TATDN3: variants seen among roughly 807,000 people sequenced by gnomAD.
The protein encoded by TATDN3 is TatD DNase domain containing 3, also known as deoxyribonuclease TATDN3.
TATDN3 carries 29 observed loss-of-function variants against 40.1 expected under a neutral mutation model. That is an observed-to-expected ratio of 0.72 (90% CI 0.54 to 0.99). The LOEUF (loss-of-function observed/expected upper bound fraction) is 0.99. Ranked by LOEUF, TATDN3 falls within the 50% of genes least tolerant of loss-of-function variation. TATDN3 has a pLI of 0.00. For missense variants in TATDN3, 309 were observed against 321.9 expected (o/e 0.96, Z 0.31); for synonymous variants, 105 against 117.0 (o/e 0.90, Z 0.66).
chr1:212,801,598 A>G (rs914091857), intron 4 of TATDN3, among the ~76,000 whole-genome samples: 12 of 152,116 alleles, frequency 7.9e-5, no homozygotes, highest in African/African-American at 2.9e-4. Flanking sequence ...AGTGTTAGAC[A>G]TTTCCTGGGT....
intron 2 of TATDN3, among the ~76,000 whole-genome samples, chr1:212,796,234 T>C (rs1661746457): frequency 6.6e-6 from 1 of 152,322 alleles, no homozygotes; most frequent in South Asian, 2.1e-4. Flanking sequence ...TATATAGACC[T>C]GATGACCTTG....
intron 7 of TATDN3, among the ~76,000 whole-genome samples, chr1:212,807,167 A>C (rs1662590604): frequency 6.6e-6 from 1 of 151,372 alleles, no homozygotes; most frequent in Non-Finnish European, 1.5e-5. Flanking sequence ...GCTTGTCTTG[A>C]ACTCCTGACC....
chr1:212,806,202 T>C (rs1662454804), intron 7 of TATDN3, among the ~76,000 whole-genome samples: 1 of 152,190 alleles, frequency 6.6e-6, no homozygotes, highest in South Asian at 2.1e-4. Context: ...ATTGAGTTTG[T>C]GTCACTTAGT....
In TATDN3 at chr1:212,804,623, A is replaced by G. The variant is rs759789864; in HGVS notation, c.459A>G (p.Arg153=). 1.6e-5 allele frequency: 26 copies of G among 1,613,706 alleles called. No homozygotes were observed. Among genetic ancestry groups the G allele is most frequent in the Non-Finnish European group, 2.1e-5 (25 of 1,179,922 alleles). Residue 153 remains arginine, a synonymous_variant, in exon 7 of 10, where the codon AGA becomes AGG. Transcript: ENST00000366974. ...ATGTGCACTCACGCTCTGCTGGAAG[A>G]CCTACCATCAACCTTTTACAAGAGC... ...PVNVHSRSAG[R]PTINLLQEQG...
chr1:212,804,216 T>C, intron 5 of TATDN3, 104 bp from the exon 6 acceptor site: 1 of 708,680 alleles, frequency 1.4e-6, no homozygotes, highest in East Asian at 2.8e-5. Flanking sequence ...TGGCTTGCTT[T>C]TGTGCCTCAC....
At chr1:212,802,536 G>C (rs1264306259) in intron 4 of TATDN3, among the ~76,000 whole-genome samples, 165 bp from the exon 5 acceptor site, 2 of 152,220 alleles carry the variant, frequency 1.3e-5, no homozygotes, top group Non-Finnish European at 2.9e-5. Flanking sequence ...TACAGGTAGA[G>C]GTACTCACCA....
chr1:212,797,159 G>A lies in TATDN3; in HGVS notation c.221G>A (p.Gly74Glu). The change falls in exon 4 of 10, where the codon GGA becomes GAA. Residue 74 changes from glycine to glutamate, a missense_variant. Physicochemically the swap from Gly to Glu is moderately conservative, Grantham distance 98 (BLOSUM62 -2). Coordinates refer to ENST00000366974, the MANE Select transcript of TATDN3 (RefSeq NM_001042552.3). ...TGCTTGGGTGTTCATCCAGTTCAAG[G>A]ACTTCCACCAGAAGACCAAAGAAGT... Reference protein sequence around the residue: ...LPCLGVHPVQGLPPEDQRSVT... With the variant: ...LPCLGVHPVQELPPEDQRSVT... The A allele has an allele frequency of 1.2e-6, 2 of 1,614,068 alleles. No individual in the cohort carries two copies. Among genetic ancestry groups the A allele is most frequent in the Non-Finnish European group, 1.7e-6 (2 of 1,179,994 alleles).
rs893957635 is a variant in TATDN3, at chr1:212,816,036, T to C, written c.*880T>C. On this transcript the variant is annotated 3_prime_UTR_variant, in exon 10 of 10. Transcript: ENST00000366974. ...TGAGGCCAGTGGTTTAAACAATCAT[T>C]ATTGAATACCAAGCCCAAAAGTTTA... The C allele has an allele frequency of 1.3e-5, 2 of 152,198 alleles. No homozygotes were observed. The highest frequency in any genetic ancestry group is 2.9e-5 in the Non-Finnish European group (2 of 68,032). The allele number at this position is 152,198 out of a possible 1,614,324, so 9.4% of individuals were successfully genotyped here. A position where few individuals can be genotyped will look rare whatever the true frequency, so the allele number is the denominator to read the frequency against.
Position 212,797,096 on chromosome 1 carries a change from G to C in TATDN3, c.174-16G>C, listed in dbSNP as rs747387418. The C allele has an allele frequency of 6.2e-7, 1 of 1,602,930 alleles. No homozygotes were observed. Among genetic ancestry groups the C allele is most frequent in the Non-Finnish European group, 8.5e-7 (1 of 1,169,934 alleles). ...GTCTACTGTTCCTGCTTTCTCAGTT[G>C]GTTCTACATTTTTAGGTATAATGGG... On this transcript the variant is annotated splice_polypyrimidine_tract_variant and intron_variant, in intron 3 of 9. Coordinates refer to ENST00000366974, the MANE Select transcript of TATDN3 (RefSeq NM_001042552.3).
chr1:212,801,886 C>G (rs1662198824), intron 4 of TATDN3, among the ~76,000 whole-genome samples: 1 of 152,292 alleles, frequency 6.6e-6, no homozygotes, highest in Non-Finnish European at 1.5e-5. Flanking sequence ...TTTGTTCTCT[C>G]TCTCTCATAG....
chr1:212,807,849 G>A lies in TATDN3; in HGVS notation c.600+1G>A, dbSNP rs139958360. The A allele has an allele frequency of 2.8e-5, 44 of 1,593,262 alleles. No individual in the cohort carries two copies. In the African/African-American group the frequency reaches 6.0e-4, roughly 22 times the overall value. ...CCCTTCTATCATAAGAAGTGGACAG[G>A]TAAATTTTTTCATTGAAACTCATCT... On this transcript the variant is annotated splice_donor_variant, in intron 8 of 9. Coordinates refer to ENST00000366974, the MANE Select transcript of TATDN3 (RefSeq NM_001042552.3). LOFTEE classifies it high-confidence loss of function.
chr1:212,814,882 C>T lies in TATDN3; in HGVS notation c.682-131C>T, dbSNP rs1004421691. On this transcript the variant is annotated intron_variant, in intron 9 of 9. Transcript: ENST00000366974. ...ACCTCCCTCCCAGCCCTCATCCCCA[C>T]CTAAAAAGAAAAAAATTAAAAAGGA... 3.9e-6 allele frequency: 4 copies of T among 1,031,290 alleles called. No individual in the cohort carries two copies. In the Admixed American group the frequency reaches 7.6e-5, roughly 20 times the overall value. 63.9% of individuals were successfully genotyped at this position (1,031,290 alleles called of 1,614,324 possible). A position where few individuals can be genotyped will look rare whatever the true frequency, so the allele number is the denominator to read the frequency against.
intron 7 of TATDN3, among the ~76,000 whole-genome samples, chr1:212,806,744 C>A (rs1231135197): frequency 1.4e-5 from 1 of 72,072 alleles, no homozygotes; most frequent in African/African-American, 6.2e-5. Context: ...CTCTCTCTCT[C>A]TCCATATATA....
At position 212,802,900 on chromosome 1, in the gene TATDN3, C is replaced by T. The variant is rs372764628; in HGVS notation, c.321+137C>T. ...CACCCCACTTAGCCAAATAATAATT[C>T]GTTGATACTTCTTTAATAAGCAAGA... On this transcript the variant is annotated intron_variant, in intron 5 of 9. Coordinates refer to ENST00000366974, the MANE Select transcript of TATDN3 (RefSeq NM_001042552.3). 11 of 576,144 alleles carry T rather than the reference C, an allele frequency of 1.9e-5. No homozygotes were observed. In the Admixed American group the frequency reaches 2.1e-4, roughly 11 times the overall value. 35.7% of individuals were successfully genotyped at this position (576,144 alleles called of 1,614,324 possible).
rs1661780384 is a variant in TATDN3, at chr1:212,796,606, A to G, written c.173+16A>G. The stretch of plus-strand genomic sequence containing the variant: ...TTTCAGAAAGGTGCTACTTTTAATT[A>G]AGATTTTAAAGGGTTGCTAATAAGA... On this transcript the variant is annotated intron_variant, in intron 3 of 9. Transcript: ENST00000366974. 5 of 1,530,342 alleles carry G rather than the reference A, an allele frequency of 3.3e-6. No individual in the cohort carries two copies. The East Asian group carries it at 1.1e-4, about 35-fold the overall frequency. The allele number at this position is 1,530,342 out of a possible 1,614,324, so 94.8% of individuals were successfully genotyped here. A position where few individuals can be genotyped will look rare whatever the true frequency, so the allele number is the denominator to read the frequency against.
In TATDN3 at chr1:212,811,953, G is replaced by A. The variant is rs59645180; in HGVS notation, c.601-295G>A. Among the ~76,000 whole-genome samples the A allele has an allele frequency of 5.2e-3, 795 of 151,992 alleles. 4 individuals are homozygous for A. The highest frequency in any genetic ancestry group is 0.018 in the African/African-American group (756 of 41,440). ...CCTGACCTTATGTTCTGTCTGCCTC[G>A]GCCTCCCAAAGTGCTGGGATTACAA... On this transcript the variant is annotated intron_variant, in intron 8 of 9. Transcript: ENST00000366974.
intron 3 of TATDN3, 129 bp from the exon 4 acceptor site, chr1:212,796,983 G>A: frequency 3.0e-6 from 2 of 672,350 alleles, no homozygotes; most frequent in South Asian, 3.8e-5. Context: ...TGATCCACCT[G>A]GTTCAGCCTC....
chr1:212,796,222 C>T (rs987507693), intron 2 of TATDN3, among the ~76,000 whole-genome samples: 24 of 152,258 alleles, frequency 1.6e-4, no homozygotes, highest in African/African-American at 5.1e-4. Flanking sequence ...GGGCTTTGGA[C>T]ATATATAGAC....
At chr1:212,803,896 C>T (rs957323851) in intron 5 of TATDN3, among the ~76,000 whole-genome samples, 4 of 151,922 alleles carry the variant, frequency 2.6e-5, no homozygotes, top group African/African-American at 7.3e-5. Flanking sequence ...ATTAGCCGGG[C>T]GTGGTAGCAG....
Sources: allele counts gnomAD v4.1 joint callset (sites outside exome capture counted in the v4.1 genomes callset), GRCh38; gene constraint gnomAD v4.1.1; transcripts MANE v1.5; gene names NCBI Gene and HGNC (gene_info 2026-07-23, HGNC 2026-07-21).